The following PLXNA1 variants were observed in gnomAD, a reference collection of about 807,000 sequenced individuals.
PLXNA1 encodes the protein plexin-A1.
Under a neutral mutation model 191.7 loss-of-function variants are expected in PLXNA1, and 77 were observed. The ratio of observed to expected loss-of-function variants is 0.40; its 90% confidence interval spans 0.33 to 0.49. PLXNA1 has a LOEUF of 0.49. PLXNA1 is among the 20% of genes least tolerant of loss of function. PLXNA1 has a pLI of 0.63. For synonymous variants in PLXNA1, 1,137 were observed against 1,156.4 expected, an observed-to-expected ratio of 0.98 and a Z score of 0.34; for missense variants, 2,110 against 2,660.2, an observed-to-expected ratio of 0.79 and a Z score of 4.55.
chr3:126,991,652 G>A, intron 3 of PLXNA1, 86 bp downstream of exon 3: 1 of 1,355,106 alleles, frequency 7.4e-7, no homozygotes, highest in South Asian at 1.5e-5. Context: ...GCCCAGTGCT[G>A]CTGTATGCTG....
chr3:127,028,433 C>A, intron 25 of PLXNA1, 93 bp downstream of exon 25: 2 of 1,379,162 alleles, frequency 1.5e-6, no homozygotes, highest in Non-Finnish European at 1.9e-6. Flanking sequence ...GAAGGCCAGG[C>A]CAGTCCTCCA....
In PLXNA1 at chr3:126,983,259, CGGCGGCGGGGCGCGCCCCGG is replaced by C. The variant is rs2078939633; in HGVS notation, c.-92_-74+1del. 7.0e-6 allele frequency among the ~76,000 whole-genome samples: 1 copy of C among 142,738 alleles called. No homozygotes were observed. Among genetic ancestry groups the C allele is most frequent in the Non-Finnish European group, 1.5e-5 (1 of 64,554 alleles). 93.6% of individuals were successfully genotyped at this position (142,738 alleles called of 152,430 possible). A position where few individuals can be genotyped will look rare whatever the true frequency, so the allele number is the denominator to read the frequency against. On this transcript the variant is annotated 5_prime_UTR_variant, in exon 1 of 32. It removes the in-frame stop codon of an upstream open reading frame in the 5' UTR. Coordinates refer to ENST00000393409, the MANE Select transcript of PLXNA1 (RefSeq NM_032242.4). ...GCGGGCGGCTGGGCGCGGCGATGGC[CGGCGGCGGGGCGCGCCCCGG>C]GGCGGCGGGTGAGTCGGGGCGCAAC... is the stretch of plus-strand genomic sequence containing the variant.
chr3:127,000,081 G>A (rs541767021), intron 3 of PLXNA1, among the ~76,000 whole-genome samples: 1 of 151,956 alleles, frequency 6.6e-6, no homozygotes, highest in African/African-American at 2.4e-5. Context: ...GAAGCCCCTT[G>A]GGTCAAGGGG....
At chr3:127,018,081 C>T (rs2079133825) in intron 19 of PLXNA1, among the ~76,000 whole-genome samples, 189 bp downstream of exon 19, 1 of 152,146 alleles carries the variant, frequency 6.6e-6, no homozygotes, top group South Asian at 2.1e-4. Context: ...AGACTGCCTA[C>T]CCACCCTGAG....
chr3:127,001,767 C>T (rs1375400459), intron 3 of PLXNA1, among the ~76,000 whole-genome samples: 7 of 152,236 alleles, frequency 4.6e-5, no homozygotes, highest in African/African-American at 1.7e-4. Context: ...GGTCCCCCTG[C>T]TCCCGCCTGG....
chr3:127,028,146 G>T (rs2079186028), intron 24 of PLXNA1, 35 bp from the exon 25 acceptor site: 1 of 1,613,382 alleles, frequency 6.2e-7, no homozygotes, highest in East Asian at 2.2e-5. Flanking sequence ...CAGTTGTGGG[G>T]CTGACGCTGC....
chr3:127,017,791 A>C lies in PLXNA1; in HGVS notation c.3559A>C (p.Asn1187His), dbSNP rs1398623950. The C allele has an allele frequency of 6.2e-7, 1 of 1,612,948 alleles. No individual in the cohort carries two copies. Among genetic ancestry groups the C allele is most frequent in the Non-Finnish European group, 8.5e-7 (1 of 1,179,974 alleles). Residue 1187 changes from asparagine to histidine, a missense_variant, in exon 19 of 32, where the codon AAC (asparagine) becomes CAC (histidine). Physicochemically the swap from Asn to His is moderately conservative, Grantham distance 68 (BLOSUM62 1). Coordinates refer to ENST00000393409, the MANE Select transcript of PLXNA1 (RefSeq NM_032242.4). ...ACCTGCACCCGGCAACTCCCGACTC[A>C]ACTACACGGTGCTCATCGGCTCCAC... Reference protein sequence around the residue: ...LPPAPGNSRLNYTVLIGSTPC... With the variant: ...LPPAPGNSRLHYTVLIGSTPC...
At chr3:127,023,737 C>T (rs114403997) in intron 23 of PLXNA1, among the ~76,000 whole-genome samples, 4,048 of 152,294 alleles carry the variant, frequency 0.027, 82 homozygotes, top group Middle Eastern at 0.041. Flanking sequence ...GAGTCCTGGC[C>T]AGACATCCTC....
chr3:127,009,775 G>C (rs919013911), intron 9 of PLXNA1, among the ~76,000 whole-genome samples: 1 of 152,188 alleles, frequency 6.6e-6, no homozygotes, highest in Admixed American at 6.5e-5. Flanking sequence ...GTCTGAAGGC[G>C]GAGTGGCCTG....
rs758963852 is a variant in PLXNA1, at chr3:127,017,798, C to T, written c.3566C>T (p.Thr1189Met). Residue 1189 changes from threonine (T) to methionine (M), a missense_variant, in exon 19 of 32, where the codon ACG (threonine) becomes ATG (methionine). This residue lies in a region of PLXNA1 where 644 missense variants were observed against 714.3 expected (regional missense o/e 0.90). Transcript: ENST00000393409. ...PAPGNSRLNY[T>M]VLIGSTPCTL... Reference sequence around the variant, plus strand: ...CCCGGCAACTCCCGACTCAACTACACGGTGCTCATCGGCTCCACACCCTGT... The same window carrying T: ...CCCGGCAACTCCCGACTCAACTACATGGTGCTCATCGGCTCCACACCCTGT... The T allele has an allele frequency of 1.7e-5, 28 of 1,613,204 alleles. No individual in the cohort carries two copies. The highest frequency in any genetic ancestry group is 3.3e-5 in the Admixed American group (2 of 60,026).
At chr3:127,022,664 G>A (rs1015032708) in intron 22 of PLXNA1, 88 bp from the exon 23 acceptor site, 1 of 1,194,928 alleles carries the variant, frequency 8.4e-7, no homozygotes. Context: ...GCAGGGTGGG[G>A]TGGGATCGGT....
intron 2 of PLXNA1, 52 bp from the exon 3 acceptor site, chr3:126,991,331 TC>T: frequency 2.5e-6 from 4 of 1,586,870 alleles, no homozygotes; most frequent in Non-Finnish European, 3.4e-6. Flanking sequence ...GGAGGCCCAG[TC>T]CTCCGGGAGA....
At chr3:127,032,264 C>A in intron 29 of PLXNA1, 123 bp from the exon 30 acceptor site, 1 of 979,942 alleles carries the variant, frequency 1.0e-6, no homozygotes, top group Non-Finnish European at 1.5e-6. Context: ...CTCTGTGGGC[C>A]TCGTTTCCCC....
At position 127,036,061 on chromosome 3, in the gene PLXNA1, T is replaced by C. The variant is rs1275604380; in HGVS notation, c.*2044T>C. ...AGTCCATATTACAGTGGCTGGGCTGTTTTTTTCAGTAGCCCCTAGCATTGG... is the reference window on the plus strand; with the variant it reads ...AGTCCATATTACAGTGGCTGGGCTGCTTTTTTCAGTAGCCCCTAGCATTGG... On this transcript the variant is annotated 3_prime_UTR_variant, in exon 32 of 32. Transcript: ENST00000393409. 6.6e-6 allele frequency: 1 copy of C among 152,634 alleles called. No homozygotes were observed. Among genetic ancestry groups the C allele is most frequent in the Non-Finnish European group, 1.5e-5 (1 of 68,096 alleles). The allele number at this position is 152,634 out of a possible 1,614,324, so 9.5% of individuals were successfully genotyped here. A position where few individuals can be genotyped will look rare whatever the true frequency, so the allele number is the denominator to read the frequency against.
chr3:127,015,121 C>G (rs2079116375), intron 14 of PLXNA1, 63 bp from the exon 15 acceptor site: 2 of 1,562,764 alleles, frequency 1.3e-6, no homozygotes, highest in Non-Finnish European at 1.7e-6. Context: ...CAAGTGGGGC[C>G]TGTCCCCATG....
intron 9 of PLXNA1, among the ~76,000 whole-genome samples, chr3:127,008,911 A>C (rs2079081638): frequency 1.3e-5 from 2 of 152,158 alleles, no homozygotes; most frequent in African/African-American, 4.8e-5. Flanking sequence ...AGCAGGGACC[A>C]CAGTGCCTGT....
Position 127,029,040 on chromosome 3 carries a change from G to A in PLXNA1, c.4717G>A (p.Val1573Ile), listed in dbSNP as rs761392796. 1.4e-5 allele frequency: 22 copies of A among 1,613,596 alleles called. No homozygotes were observed. Among genetic ancestry groups the A allele is most frequent in the Admixed American group, 3.3e-5 (2 of 59,992 alleles). The change falls in exon 26 of 32, where the codon GTC becomes ATC. Residue 1573 changes from valine to isoleucine, a missense_variant. This residue lies in a region of PLXNA1 where 559 missense variants were observed against 911.5 expected (regional missense o/e 0.61). Coordinates refer to ENST00000393409, the MANE Select transcript of PLXNA1 (RefSeq NM_032242.4). Reference protein sequence around the residue: ...MARIILQDEDVTTKIDNDWKR... With the variant: ...MARIILQDEDITTKIDNDWKR... Reference sequence around the variant, plus strand: ...GCGCATCATCCTGCAGGACGAGGACGTCACCACCAAGATTGACAACGATTG... The same window carrying A: ...GCGCATCATCCTGCAGGACGAGGACATCACCACCAAGATTGACAACGATTG...
At chr3:126,987,053 C>T (rs2078962523) in intron 1 of PLXNA1, among the ~76,000 whole-genome samples, 1 of 152,274 alleles carries the variant, frequency 6.6e-6, no homozygotes, top group Non-Finnish European at 1.5e-5. Context: ...ACATCAGGCA[C>T]ATCCAGGGCA....
chr3:126,983,540 C>A lies in PLXNA1; in HGVS notation c.-74+253C>A, dbSNP rs1337280160. Among the ~76,000 whole-genome samples, 3 of 146,592 alleles carry A rather than the reference C, an allele frequency of 2.0e-5. No homozygotes were observed. The East Asian group carries it at 5.9e-4, about 29-fold the overall frequency. ...CGTGTGTCCGGGCGCGGTCGCGGCG[C>A]CGACGCGGAGAGACCGCACCCCCGT... On this transcript the variant is annotated intron_variant, in intron 1 of 31. Transcript: ENST00000393409.
Sources: gnomAD v4.1 joint callset for allele counts (sites outside exome capture counted in the v4.1 genomes callset) on GRCh38, gnomAD v4.1.1 for gene constraint, gnomAD v4.1.1 regional missense constraint, MANE v1.5 for transcripts, NCBI Gene and HGNC (gene_info 2026-07-23, HGNC 2026-07-21) for gene names.